FZD6: variants seen among roughly 807,000 people sequenced by gnomAD.
The protein encoded by FZD6 is frizzled-6.
A neutral mutation model predicts 61.4 loss-of-function variants in FZD6; 49 were observed. The observed-to-expected ratio is 0.80, with a 90% confidence interval of 0.63 to 1.01. The LOEUF (loss-of-function observed/expected upper bound fraction) is 1.01, where lower values mean the gene tolerates loss of function less well. FZD6 is among the 50% of genes least tolerant of loss of function. The pLI, the probability that FZD6 is intolerant of heterozygous loss-of-function variation, is 0.00. For synonymous variants in FZD6, 265 were observed against 292.2 expected, an observed-to-expected ratio of 0.91 and a Z score of 0.95; for missense variants, 724 against 848.2, an observed-to-expected ratio of 0.85 and a Z score of 1.82.
rs1814374766 is a variant in FZD6 at position 103,307,576 on chromosome 8, G to A, written c.177+7292G>A. On this transcript the variant is annotated intron_variant, in intron 2 of 6. Coordinates refer to ENST00000358755, the MANE Select transcript of FZD6 (RefSeq NM_003506.4). ...GCTTATTTTCTTAGATTACTTTTTT[G>A]CCCTTGTTTACTCATTTCCAAAAAA... is the stretch of plus-strand genomic sequence containing the variant. Among the ~76,000 whole-genome samples, 2 of 152,016 alleles carry A rather than the reference G, an allele frequency of 1.3e-5. 1 individual carries two copies. The highest frequency in any genetic ancestry group is 4.2e-4 in the South Asian group (2 of 4,816).
At chr8:103,313,766 G>C (rs1297083298) in intron 2 of FZD6, among the ~76,000 whole-genome samples, 1 of 69,820 alleles carries the variant, frequency 1.4e-5, no homozygotes, top group Non-Finnish European at 2.7e-5. Context: ...TTTTCTGTGT[G>C]TGTGTGTGTG....
chr8:103,298,868 C>A, upstream of FZD6: 1 of 156,838 alleles, frequency 6.4e-6, no homozygotes, highest in South Asian at 1.8e-4. Flanking sequence ...GCTCAGCTCT[C>A]GCTCCCCGTG....
In FZD6 at chr8:103,324,559, A is replaced by C. The variant is rs781609213; in HGVS notation, c.453A>C (p.Glu151Asp). The change falls in exon 4 of 7, where the codon GAA becomes GAC. Residue 151 changes from glutamate to aspartate, a missense_variant. Glu to Asp is a conservative substitution (Grantham distance 45). Coordinates refer to ENST00000358755, the MANE Select transcript of FZD6 (RefSeq NM_003506.4). ...TTCTTGGTCCTCAGAAGAAAACAGA[A>C]CAAGTCCAAAGAGACATTGGATTTT... ...TEFLGPQKKTEQVQRDIGFWC... is the reference protein window; with the variant it reads ...TEFLGPQKKTDQVQRDIGFWC... The C allele has an allele frequency of 4.3e-6, 7 of 1,612,762 alleles. No individual in the cohort carries two copies. The Admixed American group carries it at 5.0e-5, about 12-fold the overall frequency.
At chr8:103,304,800 T>G (rs1463719635) in intron 2 of FZD6, among the ~76,000 whole-genome samples, 1 of 152,268 alleles carries the variant, frequency 6.6e-6, no homozygotes, top group African/African-American at 2.4e-5. Flanking sequence ...TGCATTCTTA[T>G]GTTAATACAT....
rs78900102 is a variant in FZD6, at chr8:103,318,937, G to A, written c.374+151G>A. On this transcript the variant is annotated intron_variant, in intron 3 of 6. Transcript: ENST00000358755. Reference sequence around the variant, plus strand: ...CAGGCACTATGGTGCTAAGTGCTGTGGACACAAAGGTGGGCAAAAAACAGA... The same window carrying A: ...CAGGCACTATGGTGCTAAGTGCTGTAGACACAAAGGTGGGCAAAAAACAGA... The A allele has an allele frequency of 3.2e-3, 2,131 of 667,140 alleles. 41 individuals carry two copies. The African/African-American group carries it at 0.034, about 11-fold the overall frequency. The allele number at this position is 667,140 out of a possible 1,614,324, so 41.3% of individuals were successfully genotyped here.
intron 2 of FZD6, among the ~76,000 whole-genome samples, chr8:103,301,436 T>A (rs974701116): frequency 9.9e-5 from 15 of 152,246 alleles, no homozygotes; most frequent in African/African-American, 3.4e-4. Context: ...GTGAGAACAC[T>A]GTGAAGCAAT....
At chr8:103,316,094 A>T (rs1195506631) in intron 2 of FZD6, among the ~76,000 whole-genome samples, 1 of 152,200 alleles carries the variant, frequency 6.6e-6, no homozygotes, top group Non-Finnish European at 1.5e-5. Flanking sequence ...GTCAGTGATA[A>T]TATTACTAGA....
Position 103,329,893 on chromosome 8 carries a change from GA to G in FZD6, c.1783del (p.Thr595HisfsTer3). On this transcript the variant is annotated frameshift_variant, in exon 6 of 7. Coordinates refer to ENST00000358755, the MANE Select transcript of FZD6 (RefSeq NM_003506.4). LOFTEE classifies it high-confidence loss of function. ...TTTGACAGAAATCCAAACCTCACCA[GA>G]AACATCAATGAGAGAGGTGAAAGCG... Reference protein sequence around the residue: ...ETLTEIQTSPETSMREVKADG... With the variant: ...ETLTEIQTSPXTSMREVKADG... 1 of 1,614,102 alleles carries G rather than the reference GA, an allele frequency of 6.2e-7. No individual in the cohort carries two copies. Among genetic ancestry groups the G allele is most frequent in the Non-Finnish European group, 8.5e-7 (1 of 1,180,008 alleles).
intron 2 of FZD6, among the ~76,000 whole-genome samples, chr8:103,313,615 C>G (rs1211879581): frequency 1.3e-5 from 2 of 152,184 alleles, no homozygotes; most frequent in Admixed American, 6.5e-5. Context: ...TGTGCACACA[C>G]AGACACACAT....
intron 2 of FZD6, among the ~76,000 whole-genome samples, chr8:103,311,460 G>A (rs1461918140): frequency 6.6e-6 from 1 of 151,972 alleles, no homozygotes; most frequent in Non-Finnish European, 1.5e-5. Flanking sequence ...GTTACTCTCT[G>A]GGAACAGTGG....
chr8:103,324,846 T>C lies in FZD6; in HGVS notation c.740T>C (p.Met247Thr), dbSNP rs377161583. The C allele has an allele frequency of 1.9e-4, 307 of 1,613,804 alleles. 1 individual carries two copies. The highest frequency in any genetic ancestry group is 2.5e-4 in the Non-Finnish European group (297 of 1,179,798). Residue 247 changes from methionine to threonine, a missense_variant, in exon 4 of 7, where the codon ATG (methionine) becomes ACG (threonine). Transcript: ENST00000358755. The stretch of plus-strand genomic sequence containing the variant: ...GTCTGTTACAGCATTGTATCTCTTA[T>C]GTACTTCATTGGATTTTTGCTAGGC... Reference protein sequence around the residue: ...YSVCYSIVSLMYFIGFLLGDS... With the variant: ...YSVCYSIVSLTYFIGFLLGDS...
chr8:103,312,640 A>C (rs981134107), intron 2 of FZD6, among the ~76,000 whole-genome samples: 5 of 152,234 alleles, frequency 3.3e-5, no homozygotes, highest in Admixed American at 6.5e-5. Context: ...GGAAGAACAT[A>C]AAACATTTCA....
At chr8:103,324,091 A>G (rs1344827774) in intron 3 of FZD6, among the ~76,000 whole-genome samples, 1 of 152,260 alleles carries the variant, frequency 6.6e-6, no homozygotes, top group Non-Finnish European at 1.5e-5. Context: ...CATATGATAT[A>G]AAGACATATT....
chr8:103,312,391 A>G (rs900442947), intron 2 of FZD6, among the ~76,000 whole-genome samples: 3 of 152,210 alleles, frequency 2.0e-5, no homozygotes, highest in African/African-American at 4.8e-5. Context: ...AGAGTTGAAG[A>G]AGGTGGTGTC....
At position 103,308,565 on chromosome 8, in the gene FZD6, C is replaced by G. The variant is rs547823971; in HGVS notation, c.177+8281C>G. Among the ~76,000 whole-genome samples the G allele has an allele frequency of 2.0e-5, 3 of 152,232 alleles. No homozygotes were observed. In the South Asian group the frequency reaches 6.2e-4, roughly 32 times the overall value. On this transcript the variant is annotated intron_variant, in intron 2 of 6. Transcript: ENST00000358755. ...ATAGCTGGGGCCAGCTATTGTAAGC[C>G]AGGCTGTAATTGTTTCTTCATGAGT...
In FZD6 at chr8:103,303,724, T is replaced by C. The variant is rs755517333; in HGVS notation, c.177+3440T>C. Among the ~76,000 whole-genome samples the C allele has an allele frequency of 8.2e-4, 125 of 152,200 alleles. 1 individual carries two copies. The highest frequency in any genetic ancestry group is 1.3e-3 in the Non-Finnish European group (87 of 68,030). On this transcript the variant is annotated intron_variant, in intron 2 of 6. Coordinates refer to ENST00000358755, the MANE Select transcript of FZD6 (RefSeq NM_003506.4). Reference sequence around the variant, plus strand: ...CTAATATTTTTAGGTGGTTTACATATCATTCTTTTTCATTCTGTCTGAGCC... The same window carrying C: ...CTAATATTTTTAGGTGGTTTACATACCATTCTTTTTCATTCTGTCTGAGCC...
intron 3 of FZD6, among the ~76,000 whole-genome samples, chr8:103,324,170 A>G (rs1485093575): frequency 6.6e-6 from 1 of 152,206 alleles, no homozygotes; most frequent in Non-Finnish European, 1.5e-5. Flanking sequence ...TCTTTTAAAT[A>G]TTTAGTCTTA....
intron 3 of FZD6, among the ~76,000 whole-genome samples, chr8:103,322,140 A>G (rs376794376): frequency 5.9e-5 from 9 of 152,342 alleles, no homozygotes; most frequent in African/African-American, 1.4e-4. Context: ...TTTTTATAAC[A>G]TGAAATATTC....
intron 2 of FZD6, among the ~76,000 whole-genome samples, chr8:103,303,368 A>C (rs1814225894): frequency 6.6e-6 from 1 of 152,184 alleles, no homozygotes; most frequent in Non-Finnish European, 1.5e-5. Context: ...AACTGTTTTT[A>C]GCGAACCCTT....
Sources: allele counts gnomAD v4.1 joint callset (sites outside exome capture counted in the v4.1 genomes callset), GRCh38; gene constraint gnomAD v4.1.1; transcripts MANE v1.5; gene names NCBI Gene and HGNC (gene_info 2026-07-23, HGNC 2026-07-21).